Variants in KIF23 observed in about 807,000 individuals in gnomAD.
KIF23 encodes the protein kinesin family member 23, also known as kinesin-like protein KIF23.
A neutral mutation model predicts 137.5 loss-of-function variants in KIF23; 30 were observed. The observed-to-expected ratio is 0.22, with a 90% CI of 0.16 to 0.30. The LOEUF (loss-of-function observed/expected upper bound fraction) is 0.30. Among genes scored for constraint, KIF23 ranks in the 10% least tolerant of loss-of-function variants. KIF23 has a pLI of 1.00. For missense variants in KIF23, 920 were observed against 1,194.3 expected (o/e 0.77, Z 3.38); for synonymous variants, 367 against 391.1 (o/e 0.94, Z 0.73).
intron 3 of KIF23, among the ~76,000 whole-genome samples, chr15:69,418,251 A>T (rs1307886338): frequency 2.0e-5 from 3 of 152,000 alleles, no homozygotes. Context: ...CTTCATCCTC[A>T]TTTTAACCTG....
chr15:69,435,856 A>T, intron 13 of KIF23, 85 bp downstream of exon 13: 1 of 1,513,006 alleles, frequency 6.6e-7, no homozygotes, highest in Non-Finnish European at 9.0e-7. Context: ...CATTTTGAAT[A>T]TTTTAAAAAT....
chr15:69,446,274 CT>C lies in KIF23; in HGVS notation c.2757-4del, dbSNP rs756228916. 16 of 1,613,214 alleles carry C rather than the reference CT, an allele frequency of 9.9e-6. No homozygotes were observed. In the South Asian group the frequency reaches 1.8e-4, roughly 18 times the overall value. On this transcript the variant is annotated splice_polypyrimidine_tract_variant and splice_region_variant and intron_variant, in intron 21 of 23. Transcript: ENST00000679126. ...AAATAATTGTTGCATCATGTTTCCCCTTTTTCAGTAGTCGAAAACGAAGATC... is the reference window on the plus strand; with the variant it reads ...AAATAATTGTTGCATCATGTTTCCCCTTTTCAGTAGTCGAAAACGAAGATC...
intron 2 of KIF23, 127 bp from the exon 3 acceptor site, chr15:69,417,256 T>C: frequency 1.2e-6 from 1 of 810,282 alleles, no homozygotes; most frequent in Non-Finnish European, 1.8e-6. Flanking sequence ...TCTTAGCCCT[T>C]GGAGATACAG....
chr15:69,437,352 A>G (rs751409795), intron 15 of KIF23, among the ~76,000 whole-genome samples: 11 of 152,120 alleles, frequency 7.2e-5, no homozygotes, highest in Non-Finnish European at 1.6e-4. Flanking sequence ...AATTGTTTCT[A>G]CCTCAGGATA....
chr15:69,437,015 A>G lies in KIF23; in HGVS notation c.1597+293A>G, dbSNP rs564852336. ...AGTGATCCGCCTGCCTCGGCCTCCT[A>G]AAGTGCTGGGATTACAGGCATGAGC... On this transcript the variant is annotated intron_variant, in intron 15 of 23. Coordinates refer to ENST00000679126, the MANE Select transcript of KIF23 (RefSeq NM_001367805.3). 4.6e-5 allele frequency among the ~76,000 whole-genome samples: 7 copies of G among 152,306 alleles called. No individual in the cohort carries two copies. The South Asian group carries it at 1.5e-3, about 32-fold the overall frequency.
Position 69,440,849 on chromosome 15 carries a change from T to G in KIF23, c.2191T>G (p.Cys731Gly). The stretch of plus-strand genomic sequence containing the variant: ...ACAGCTACATAGGCGCTCTAACTCT[T>G]GCAGCAGCATTTCTGTAGCTTCCTG... The part of the protein sequence containing the change: ...QPQLHRRSNS[C>G]SSISVASCIS... Residue 731 changes from cysteine (C) to glycine (G), a missense_variant, in exon 19 of 24, where the codon TGC becomes GGC. Around this residue, in one of 4 missense-constraint regions of KIF23, gnomAD observed 714 missense variants for 866.2 expected, o/e 0.82. Coordinates refer to ENST00000679126, the MANE Select transcript of KIF23 (RefSeq NM_001367805.3). 8 of 1,614,056 alleles carry G rather than the reference T, an allele frequency of 5.0e-6. No individual in the cohort carries two copies. Among genetic ancestry groups the G allele is most frequent in the Non-Finnish European group, 6.8e-6 (8 of 1,180,032 alleles).
At chr15:69,418,455 G>C (rs568365899) in intron 3 of KIF23, among the ~76,000 whole-genome samples, 9 of 152,136 alleles carry the variant, frequency 5.9e-5, no homozygotes, top group African/African-American at 2.2e-4. Flanking sequence ...TTCCTCCCTT[G>C]TTTTCTTCTC....
rs1250897435 is a variant in KIF23 at position 69,446,298 on chromosome 15, A to G, written c.2772A>G (p.Arg924=). 2 of 1,614,136 alleles carry G rather than the reference A, an allele frequency of 1.2e-6. No homozygotes were observed. Among genetic ancestry groups the G allele is most frequent in the Non-Finnish European group, 8.5e-7 (1 of 1,179,966 alleles). ...QESPNGSRKR[R]SSTVAPAQPD... ...CCTTTTTCAGTAGTCGAAAACGAAG[A>G]TCTTCCACAGTAGCACCTGCCCAAC... Residue 924 remains arginine (R), a synonymous_variant, in exon 22 of 24, where the codon AGA becomes AGG. Coordinates refer to ENST00000679126, the MANE Select transcript of KIF23 (RefSeq NM_001367805.3).
chr15:69,445,287 A>G (rs971074562), intron 20 of KIF23, among the ~76,000 whole-genome samples: 1 of 152,208 alleles, frequency 6.6e-6, no homozygotes, highest in African/African-American at 2.4e-5. Context: ...TCCATGATGT[A>G]CTTTAATTTT....
At chr15:69,434,575 G>T (rs2057427754) in intron 11 of KIF23, 1 of 1,133,898 alleles carries the variant, frequency 8.8e-7, no homozygotes, top group Non-Finnish European at 1.3e-6. Flanking sequence ...TCCTGGTCAA[G>T]ATAACATCTC....
chr15:69,432,624 C>T (rs2057383124), intron 11 of KIF23, among the ~76,000 whole-genome samples: 1 of 151,932 alleles, frequency 6.6e-6, no homozygotes, highest in Non-Finnish European at 1.5e-5. Flanking sequence ...AGGGTGAAGC[C>T]TATGGACCCT....
At chr15:69,442,669 C>A (rs2057649126) in intron 19 of KIF23, among the ~76,000 whole-genome samples, 1 of 152,124 alleles carries the variant, frequency 6.6e-6, no homozygotes, top group Non-Finnish European at 1.5e-5. Context: ...TTCTGACCAA[C>A]TCTAGTCAGT....
In KIF23 at chr15:69,439,929, C is replaced by T. The variant is rs2140396828; in HGVS notation, c.1781C>T (p.Thr594Ile). The T allele has an allele frequency of 6.2e-7, 1 of 1,613,294 alleles. No homozygotes were observed. The highest frequency in any genetic ancestry group is 2.2e-5 in the East Asian group (1 of 44,850). The change falls in exon 17 of 24, where the codon ACT (threonine) becomes ATT (isoleucine). Residue 594 changes from threonine to isoleucine, a missense_variant. Thr to Ile is a moderately conservative substitution (Grantham distance 89, BLOSUM62 -1). Transcript: ENST00000679126. Reference protein sequence around the residue: ...YKIEILEKTTTIYEEDKRNLQ... With the variant: ...YKIEILEKTTIIYEEDKRNLQ... ...ATTGAGATTTTAGAGAAAACAACTA[C>T]TATCTATGAGGAAGATAAACGCAAT...
chr15:69,447,795 C>T lies in KIF23; in HGVS notation c.2913C>T (p.Arg971=). The T allele has an allele frequency of 6.2e-7, 1 of 1,606,168 alleles. No homozygotes were observed. The highest frequency in any genetic ancestry group is 8.5e-7 in the Non-Finnish European group (1 of 1,174,700). The change falls in exon 24 of 24, where the codon CGC becomes CGT. Residue 971 remains arginine (R), a synonymous_variant. Coordinates refer to ENST00000679126, the MANE Select transcript of KIF23 (RefSeq NM_001367805.3). Reference sequence around the variant, plus strand: ...AGTGCTGGTTGTTATGTTTTAGGCGCAAAAAGCCATGAACTGACAGTCCCA... The same window carrying T: ...AGTGCTGGTTGTTATGTTTTAGGCGTAAAAAGCCATGAACTGACAGTCCCA... ...PGYQHHAQPK[R]KKP
chr15:69,446,423 C>A, intron 22 of KIF23, 59 bp downstream of exon 22: 2 of 1,319,604 alleles, frequency 1.5e-6, no homozygotes, highest in African/African-American at 1.4e-5. Context: ...ATGTTTTAAA[C>A]CCCACAGCTC....
At position 69,417,431 on chromosome 15, in the gene KIF23, A is replaced by G; in HGVS notation, c.130A>G (p.Ile44Val). 1 of 1,613,936 alleles carries G rather than the reference A, an allele frequency of 6.2e-7. No homozygotes were observed. Among genetic ancestry groups the G allele is most frequent in the South Asian group, 1.1e-5 (1 of 91,030 alleles). The part of the protein sequence containing the change: ...PLGFPDQECC[I>V]EVINNTTVQL... ...GGGCTTTCCTGATCAAGAGTGTTGC[A>G]TAGAAGTGATCAATAATACAACTGT... The change falls in exon 3 of 24, where the codon ATA becomes GTA. Residue 44 changes from isoleucine to valine, a missense_variant. This residue lies in a region of KIF23 where 124 missense variants were observed against 122.0 expected (regional missense o/e 1.02). Coordinates refer to ENST00000679126, the MANE Select transcript of KIF23 (RefSeq NM_001367805.3).
At chr15:69,427,242 C>CCATG (rs1401465627) in intron 10 of KIF23, 3 of 346,964 alleles carry the variant, frequency 8.6e-6, no homozygotes, top group Non-Finnish European at 1.7e-5. Flanking sequence ...ATTTGAGCAT[C>CCATG]CATGGAATTT....
chr15:69,440,020 A>G lies in KIF23; in HGVS notation c.1872A>G (p.Leu624=). 1 of 1,614,086 alleles carries G rather than the reference A, an allele frequency of 6.2e-7. No homozygotes were observed. Among genetic ancestry groups the G allele is most frequent in the African/African-American group, 1.3e-5 (1 of 75,064 alleles). The change falls in exon 17 of 24, where the codon TTA becomes TTG. Residue 624 remains leucine (L), a synonymous_variant. Transcript: ENST00000679126. ...GACAGTTTTCTGACAAACGCAGATT[A>G]GAAGCCAGGTTGCAAGGCATGGTGA... The part of the protein sequence containing the change: ...LQRQFSDKRR[L]EARLQGMVTE...
Position 69,441,026 on chromosome 15 carries a change from G to A in KIF23, c.2368G>A (p.Val790Met), listed in dbSNP as rs1479802139. Reference sequence around the variant, plus strand: ...GATGTACTGGACTGAAGGCAGGGAGGTGGTTCCTACATTCAGAAATGAGAT... The same window carrying A: ...GATGTACTGGACTGAAGGCAGGGAGATGGTTCCTACATTCAGAAATGAGAT... ...RGMYWTEGRE[V>M]VPTFRNEIEI... The change falls in exon 19 of 24, where the codon GTG becomes ATG. Residue 790 changes from valine (V) to methionine (M), a missense_variant. Transcript: ENST00000679126. 1 of 1,613,948 alleles carries A rather than the reference G, an allele frequency of 6.2e-7. No individual in the cohort carries two copies. The highest frequency in any genetic ancestry group is 1.7e-5 in the Admixed American group (1 of 59,996).
Sources: allele counts gnomAD v4.1 joint callset (sites outside exome capture counted in the v4.1 genomes callset), GRCh38; gene constraint gnomAD v4.1.1; regional missense constraint gnomAD v4.1.1; transcripts MANE v1.5; gene names NCBI Gene and HGNC (gene_info 2026-07-23, HGNC 2026-07-21).